The following RPSA2 variants were observed in gnomAD, a reference collection of about 807,000 sequenced individuals.
The protein encoded by RPSA2 is ribosomal protein SA 2.
chr19:23,785,811 G>T, the RPSA2 span, among the ~76,000 whole-genome samples: 1 of 152,130 alleles, frequency 6.6e-6, no homozygotes, highest in African/African-American at 2.4e-5. Flanking sequence ...AATAGGAGAG[G>T]TGCTGTCTTT....
the RPSA2 span, among the ~76,000 whole-genome samples, chr19:23,856,049 C>A: frequency 4.2e-3 from 637 of 152,092 alleles, 1 homozygote; most frequent in African/African-American, 0.015. Context: ...GATATTGAAT[C>A]CTCAACATCA....
chr19:23,761,928 TTTTTTTTGA>T, the RPSA2 span, among the ~76,000 whole-genome samples: 2 of 54,300 alleles, frequency 3.7e-5, no homozygotes, highest in Admixed American at 2.7e-4. Flanking sequence ...TTCTTTTTTT[TTTTTTTTGA>T]GATGGAGTCT....
the RPSA2 span, among the ~76,000 whole-genome samples, chr19:23,849,705 G>A: frequency 1.3e-5 from 2 of 152,068 alleles, no homozygotes; most frequent in Admixed American, 6.6e-5. Flanking sequence ...TAGCCTCCAG[G>A]CATTCCCTCC....
chr19:23,826,034 A>AAAAAC, the RPSA2 span, among the ~76,000 whole-genome samples: 1 of 151,240 alleles, frequency 6.6e-6, no homozygotes, highest in South Asian at 2.1e-4. Context: ...TTCTTGTCAA[A>AAAAAC]AAAAAACAAA....
chr19:23,787,905 A>G, the RPSA2 span, among the ~76,000 whole-genome samples: 6 of 152,230 alleles, frequency 3.9e-5, no homozygotes, highest in South Asian at 2.1e-4. Flanking sequence ...CTGCCCATCA[A>G]CTATTTTATG....
At chr19:23,779,228 C>A in the RPSA2 span, among the ~76,000 whole-genome samples, 172 of 152,044 alleles carry the variant, frequency 1.1e-3, no homozygotes, top group African/African-American at 3.7e-3. Context: ...TCTCGATCTC[C>A]TGACCTCATG....
the RPSA2 span, among the ~76,000 whole-genome samples, chr19:23,869,191 G>A: frequency 6.6e-6 from 1 of 152,012 alleles, no homozygotes; most frequent in African/African-American, 2.4e-5. Context: ...CCTATGTCTG[G>A]CTCCCCCGGA....
chr19:23,851,586 A>G, the RPSA2 span, among the ~76,000 whole-genome samples: 1 of 152,356 alleles, frequency 6.6e-6, no homozygotes, highest in African/African-American at 2.4e-5. Context: ...GCATAACATA[A>G]GCAGAATCAG....
chr19:23,857,002 C>T, the RPSA2 span, among the ~76,000 whole-genome samples: 1 of 152,106 alleles, frequency 6.6e-6, no homozygotes, highest in African/African-American at 2.4e-5. Flanking sequence ...CTGGAGTTTC[C>T]CAATCCTAGT....
chr19:23,758,801 C>A, the RPSA2 span: 5 of 1,613,636 alleles, frequency 3.1e-6, no homozygotes, highest in Non-Finnish European at 4.2e-6. Flanking sequence ...CCAATACCTG[C>A]AGGTCAGAGG....
the RPSA2 span, among the ~76,000 whole-genome samples, chr19:23,869,444 G>A: frequency 1.3e-5 from 2 of 152,140 alleles, no homozygotes; most frequent in African/African-American, 2.4e-5. Flanking sequence ...TATATGGAAT[G>A]GATTCCCTTC....
chr19:23,822,874 T>A, the RPSA2 span, among the ~76,000 whole-genome samples: 1 of 152,198 alleles, frequency 6.6e-6, no homozygotes, highest in African/African-American at 2.4e-5. Context: ...CCTGTGGCTT[T>A]CCCTTTGTCT....
chr19:23,764,747 T>C, the RPSA2 span, among the ~76,000 whole-genome samples: 1 of 44,298 alleles, frequency 2.3e-5, no homozygotes, highest in South Asian at 4.4e-4. Flanking sequence ...CCCAAGTCTG[T>C]AAACATTTTA....
chr19:23,830,778 GCTTT>G, the RPSA2 span, among the ~76,000 whole-genome samples: 7 of 151,028 alleles, frequency 4.6e-5, no homozygotes, highest in Admixed American at 1.3e-4. Context: ...TTTTTTTTAT[GCTTT>G]CTTTCAGAAA....
the RPSA2 span, among the ~76,000 whole-genome samples, chr19:23,796,673 C>G: frequency 4.0e-5 from 6 of 151,634 alleles, no homozygotes; most frequent in Non-Finnish European, 8.8e-5. Flanking sequence ...TTTGTTCATT[C>G]TTGGAAGGAT....
chr19:23,802,959 A>G, the RPSA2 span, among the ~76,000 whole-genome samples: 1 of 152,196 alleles, frequency 6.6e-6, no homozygotes, highest in South Asian at 2.1e-4. Context: ...GCTTGCTAAG[A>G]ACACTTATTT....
chr19:23,868,844 G>T, the RPSA2 span, among the ~76,000 whole-genome samples: 1 of 152,082 alleles, frequency 6.6e-6, no homozygotes, highest in Non-Finnish European at 1.5e-5. Context: ...CCATGGGCCC[G>T]GTCCCTCTGG....
chr19:23,759,522 G>T, the RPSA2 span, among the ~76,000 whole-genome samples: 3 of 89,042 alleles, frequency 3.4e-5, no homozygotes, highest in South Asian at 4.8e-4. Flanking sequence ...TATATATCAG[G>T]TTTTTTTTTT....
chr19:23,780,257 A>G, the RPSA2 span, among the ~76,000 whole-genome samples: 1 of 152,074 alleles, frequency 6.6e-6, no homozygotes, highest in African/African-American at 2.4e-5. Flanking sequence ...ATGTAAACAC[A>G]CCCTGCCAAT....
Sources: gnomAD v4.1 joint callset for allele counts (sites outside exome capture counted in the v4.1 genomes callset) on GRCh38, gnomAD v4.1.1 for gene constraint, MANE v1.5 for transcripts, NCBI Gene and HGNC (gene_info 2026-07-23, HGNC 2026-07-21) for gene names.